USP34: variants seen among roughly 807,000 people sequenced by gnomAD.
USP34 encodes ubiquitin specific peptidase 34.
A neutral mutation model predicts 460.3 loss-of-function variants in USP34; 70 were observed. That is an observed-to-expected ratio of 0.15 (90% confidence interval 0.13 to 0.19). The LOEUF (loss-of-function observed/expected upper bound fraction) is 0.19, where lower values mean the gene tolerates loss of function less well. Among genes scored for constraint, USP34 ranks in the 10% least tolerant of loss-of-function variants. The pLI, the probability that USP34 is intolerant of heterozygous loss-of-function variation, is 1.00. For missense variants in USP34, 3,985 were observed against 4,236.2 expected (o/e 0.94, Z 1.65); for synonymous variants, 1,647 against 1,405.3 (o/e 1.17, Z -3.85).
intron 67 of USP34, among the ~76,000 whole-genome samples, chr2:61,219,109 C>T (rs371170962): frequency 2.6e-5 from 4 of 152,294 alleles, no homozygotes; most frequent in African/African-American, 9.6e-5. Flanking sequence ...TAAGTATGGA[C>T]TCATGAATAT....
chr2:61,303,936 C>T (rs979786967), intron 27 of USP34, among the ~76,000 whole-genome samples: 6 of 152,070 alleles, frequency 3.9e-5, no homozygotes, highest in Middle Eastern at 3.2e-3. Context: ...CTCGCTCTGT[C>T]GCCCAGGCTG....
In USP34 at chr2:61,301,154, A is replaced by G; in HGVS notation, c.3925T>C (p.Phe1309Leu). The G allele has an allele frequency of 6.3e-7, 1 of 1,581,172 alleles. No individual in the cohort carries two copies. Among genetic ancestry groups the G allele is most frequent in the Non-Finnish European group, 8.6e-7 (1 of 1,168,682 alleles). ...ELGFKDMQMV[F>L]VSLGAPRRER... Reference sequence around the variant, plus strand: ...CTCCTTGGTGCACCCAAAGATACAAATACCATCTATAAAAAACAGGAAAAA... The same window carrying G: ...CTCCTTGGTGCACCCAAAGATACAAGTACCATCTATAAAAAACAGGAAAAA... Residue 1309 changes from phenylalanine (F) to leucine (L), a missense_variant, in exon 29 of 80, where the codon TTT (phenylalanine) becomes CTT (leucine). By Grantham distance (22) the Phe-to-Leu change is conservative. Transcript: ENST00000398571.
At chr2:61,390,708 G>A (rs924953230) in intron 5 of USP34, among the ~76,000 whole-genome samples, 3 of 152,120 alleles carry the variant, frequency 2.0e-5, no homozygotes, top group South Asian at 2.1e-4. Flanking sequence ...ATCTGATAAG[G>A]TAAGAATTTC....
intron 69 of USP34, 86 bp downstream of exon 69, chr2:61,211,686 A>G (rs561027117): frequency 6.7e-6 from 9 of 1,347,450 alleles, no homozygotes; most frequent in South Asian, 5.0e-5. Flanking sequence ...TGCTTCCCCA[A>G]TGTAAATGAT....
At chr2:61,438,216 G>A (rs1415586024) in intron 1 of USP34, among the ~76,000 whole-genome samples, 1 of 152,120 alleles carries the variant, frequency 6.6e-6, no homozygotes, top group Admixed American at 6.6e-5. Context: ...ATCAATGGAT[G>A]TCATACATCT....
At position 61,325,410 on chromosome 2, in the gene USP34, C is replaced by T; in HGVS notation, c.2978G>A (p.Cys993Tyr). The T allele has an allele frequency of 1.3e-6, 2 of 1,555,388 alleles. No homozygotes were observed. Among genetic ancestry groups the T allele is most frequent in the Non-Finnish European group, 1.7e-6 (2 of 1,160,480 alleles). The part of the protein sequence containing the change: ...EVQVRLQFLT[C>Y]VFSTLGSPDH... ...AGGTGATCCCAGAGTTGAAAATACACAAGTCAAGAATTGAAGACGAACTTG... is the reference window on the plus strand; with the variant it reads ...AGGTGATCCCAGAGTTGAAAATACATAAGTCAAGAATTGAAGACGAACTTG... Residue 993 changes from cysteine to tyrosine, a missense_variant, in exon 21 of 80, where the codon TGT (cysteine) becomes TAT (tyrosine). Transcript: ENST00000398571.
At chr2:61,199,160 G>A (rs1050089075) in intron 75 of USP34, among the ~76,000 whole-genome samples, 2 of 151,982 alleles carry the variant, frequency 1.3e-5, no homozygotes, top group African/African-American at 4.8e-5. Flanking sequence ...TTGTTTCTGG[G>A]TTTTGTGTCC....
At chr2:61,372,314 G>T (rs1434605060) in intron 8 of USP34, among the ~76,000 whole-genome samples, 2 of 151,920 alleles carry the variant, frequency 1.3e-5, no homozygotes, top group Admixed American at 1.3e-4. Context: ...ACCTATTTCT[G>T]AGTAGCCCTA....
chr2:61,265,680 T>A, intron 42 of USP34, 123 bp from the exon 43 acceptor site: 1 of 816,954 alleles, frequency 1.2e-6, no homozygotes, highest in Non-Finnish European at 1.7e-6. Flanking sequence ...GAACATTATA[T>A]AGAATTTTTT....
chr2:61,417,201 C>G, intron 2 of USP34: 2 of 1,554,960 alleles, frequency 1.3e-6, no homozygotes, highest in Admixed American at 1.7e-5. Context: ...GGACCCTACA[C>G]TGGGGTAGTG....
chr2:61,286,677 G>A (rs1169634833), intron 34 of USP34, among the ~76,000 whole-genome samples: 2 of 151,872 alleles, frequency 1.3e-5, no homozygotes, highest in Non-Finnish European at 2.9e-5. Flanking sequence ...CAAACCACTG[G>A]CATGTGCATA....
rs758469329 is a variant in USP34, at chr2:61,204,311, G to A, written c.9329C>T (p.Pro3110Leu). The change falls in exon 74 of 80, where the codon CCT (proline) becomes CTT (leucine). Residue 3110 changes from proline to leucine, a missense_variant. By Grantham distance (98) the Pro-to-Leu change is moderately conservative. This residue lies in a region of USP34 where 275 missense variants were observed against 292.7 expected (regional missense o/e 0.94). Coordinates refer to ENST00000398571, the MANE Select transcript of USP34 (RefSeq NM_014709.4). ...GCACATATTGAGTTCAGGGCGCGGA[G>A]GCCGAATATTGCTTTTCCCTCCTAT... is the stretch of plus-strand genomic sequence containing the variant. ...KLIGGKSNIR[P>L]PRPELNMCLL... 27 of 1,614,044 alleles carry A rather than the reference G, an allele frequency of 1.7e-5. No homozygotes were observed. Among genetic ancestry groups the A allele is most frequent in the Non-Finnish European group, 2.3e-5 (27 of 1,180,050 alleles).
At chr2:61,405,290 T>G (rs931700828) in intron 3 of USP34, among the ~76,000 whole-genome samples, 9 of 151,132 alleles carry the variant, frequency 6.0e-5, no homozygotes, top group African/African-American at 9.7e-5. Flanking sequence ...GAAATACTAT[T>G]ATTTGAAACT....
intron 10 of USP34, among the ~76,000 whole-genome samples, chr2:61,369,963 CAT>C (rs1253588732): frequency 1.5e-5 from 2 of 135,454 alleles, no homozygotes; most frequent in Admixed American, 7.9e-5. Flanking sequence ...AATTTTGAAT[CAT>C]GTGGATATAT....
intron 1 of USP34, among the ~76,000 whole-genome samples, chr2:61,454,316 G>GT (rs1457814280): frequency 3.3e-5 from 5 of 152,090 alleles, no homozygotes; most frequent in African/African-American, 1.2e-4. Context: ...TAGAGATAGG[G>GT]TTTTACCATG....
chr2:61,342,664 T>C (rs979991579), intron 16 of USP34, among the ~76,000 whole-genome samples: 2 of 152,010 alleles, frequency 1.3e-5, no homozygotes, highest in Admixed American at 6.6e-5. Context: ...ATCAACACTT[T>C]TGCCCATTTT....
Position 61,187,641 on chromosome 2 carries a change from A to C in USP34, c.*461T>G, listed in dbSNP as rs2103721913. 1 of 679,134 alleles carries C rather than the reference A, an allele frequency of 1.5e-6. No homozygotes were observed. The highest frequency in any genetic ancestry group is 7.5e-4 in the Middle Eastern group (1 of 1,342). The allele number at this position is 679,134 out of a possible 1,614,324, so 42.1% of individuals were successfully genotyped here. ...AGGCCACAGCTAAAGAGGATTCTTT[A>C]CAGAATCAAATTTCTTGTGGTTGTT... On this transcript the variant is annotated 3_prime_UTR_variant, in exon 80 of 80. Coordinates refer to ENST00000398571, the MANE Select transcript of USP34 (RefSeq NM_014709.4).
intron 75 of USP34, among the ~76,000 whole-genome samples, chr2:61,196,068 G>GTTTTT (rs1558460264): frequency 6.4e-5 from 3 of 47,026 alleles, no homozygotes; most frequent in Non-Finnish European, 4.3e-5. Flanking sequence ...CACCATGCAC[G>GTTTTT]ATTTTTTTTT....
chr2:61,222,499 GTTA>G, intron 65 of USP34, 117 bp downstream of exon 65: 2 of 695,604 alleles, frequency 2.9e-6, no homozygotes, highest in Non-Finnish European at 4.9e-6. Context: ...TTAAAAATAG[GTTA>G]TTATGTTATG....
Sources: allele counts gnomAD v4.1 joint callset (sites outside exome capture counted in the v4.1 genomes callset), GRCh38; gene constraint gnomAD v4.1.1; regional missense constraint gnomAD v4.1.1; transcripts MANE v1.5; gene names NCBI Gene and HGNC (gene_info 2026-07-23, HGNC 2026-07-21).